CALD1: variants seen among roughly 807,000 people sequenced by gnomAD.
The protein encoded by CALD1 is caldesmon.
A neutral mutation model predicts 99.9 loss-of-function variants in CALD1; 33 were observed. The observed-to-expected ratio is 0.33, with a 90% CI of 0.25 to 0.44. The LOEUF (loss-of-function observed/expected upper bound fraction) is 0.44, where lower values mean the gene tolerates loss of function less well. CALD1 is among the 20% of genes least tolerant of loss of function. CALD1 has a pLI of 1.00. For synonymous variants in CALD1, 310 were observed against 325.0 expected (o/e 0.95, Z 0.50); for missense variants, 861 against 962.1 (o/e 0.89, Z 1.39).
intron 1 of CALD1, among the ~76,000 whole-genome samples, chr7:134,803,621 C>T (rs972658119): frequency 6.6e-6 from 1 of 151,826 alleles, no homozygotes; most frequent in African/African-American, 2.4e-5. Context: ...AACAATCTGT[C>T]AAAAAACCTT....
the CALD1 span, among the ~76,000 whole-genome samples, chr7:134,715,733 T>C: frequency 6.6e-6 from 1 of 152,216 alleles, no homozygotes; most frequent in African/African-American, 2.4e-5. Context: ...ATAAGAAATG[T>C]ATCAAGATAA....
intron 1 of CALD1, among the ~76,000 whole-genome samples, chr7:134,764,575 A>C (rs891763288): frequency 2.0e-5 from 3 of 151,428 alleles, no homozygotes; most frequent in African/African-American, 7.3e-5. Flanking sequence ...TCAACTATTA[A>C]TTAATTAGTT....
At chr7:134,741,838 T>C (rs1796594886), upstream of CALD1, among the ~76,000 whole-genome samples, 1 of 152,210 alleles carries the variant, frequency 6.6e-6, no homozygotes, top group South Asian at 2.1e-4. Context: ...CCTGAAACTT[T>C]ATGTTTATTC....
chr7:134,923,786 G>A (rs1804785676), intron 3 of CALD1, among the ~76,000 whole-genome samples: 1 of 152,102 alleles, frequency 6.6e-6, no homozygotes, highest in African/African-American at 2.4e-5. Flanking sequence ...TGCATTACTG[G>A]TATTAAATTG....
At chr7:134,782,618 G>GA (rs1406049764) in intron 1 of CALD1, among the ~76,000 whole-genome samples, 1 of 152,200 alleles carries the variant, frequency 6.6e-6, no homozygotes, top group African/African-American at 2.4e-5. Flanking sequence ...TCTGTTGAGT[G>GA]AAGAACGGAC....
At chr7:134,863,426 C>T (rs1464639266) in intron 2 of CALD1, among the ~76,000 whole-genome samples, 1 of 152,208 alleles carries the variant, frequency 6.6e-6, no homozygotes, top group Admixed American at 6.5e-5. Context: ...GTAGATAAGA[C>T]TTAGCTTCTT....
the CALD1 span, chr7:134,735,249 T>C: frequency 6.6e-6 from 1 of 152,318 alleles, no homozygotes; most frequent in South Asian, 2.1e-4. Flanking sequence ...CATGAGTGTA[T>C]CTCTTTGAAG....
the CALD1 span, chr7:134,735,055 C>G: frequency 2.3e-5 from 5 of 221,384 alleles, no homozygotes; most frequent in East Asian, 5.3e-4. Context: ...TGCAGGAAGA[C>G]CTTGTGTCTG....
At chr7:134,918,860 G>C (rs1156410871) in intron 3 of CALD1, among the ~76,000 whole-genome samples, 1 of 152,198 alleles carries the variant, frequency 6.6e-6, no homozygotes, top group Non-Finnish European at 1.5e-5. Context: ...GCCAGATGTG[G>C]TGGTGCACAC....
chr7:134,775,021 C>A (rs572154658), upstream of CALD1, among the ~76,000 whole-genome samples: 108 of 106,650 alleles, frequency 1.0e-3, 1 homozygote, highest in Non-Finnish European at 1.1e-4. Flanking sequence ...TGTTATATAC[C>A]CTATGATAAA....
chr7:134,902,294 C>G (rs1220358748), intron 3 of CALD1, among the ~76,000 whole-genome samples: 1 of 152,104 alleles, frequency 6.6e-6, no homozygotes, highest in Non-Finnish European at 1.5e-5. Context: ...AGGAAACAGC[C>G]TTGCATCATA....
intron 7 of CALD1, among the ~76,000 whole-genome samples, chr7:134,942,598 A>C (rs1301862759): frequency 1.3e-5 from 2 of 152,244 alleles, no homozygotes; most frequent in Non-Finnish European, 2.9e-5. Flanking sequence ...AAGCGAGTTG[A>C]TTCAGGTTGG....
chr7:134,722,160 G>A, the CALD1 span, among the ~76,000 whole-genome samples: 4 of 152,142 alleles, frequency 2.6e-5, no homozygotes, highest in Non-Finnish European at 4.4e-5. Flanking sequence ...TTCACAGGTC[G>A]TGTTCAAATT....
chr7:134,733,511 T>C, the CALD1 span, among the ~76,000 whole-genome samples: 1 of 152,146 alleles, frequency 6.6e-6, no homozygotes, highest in Admixed American at 6.5e-5. Flanking sequence ...TATTGGGTGT[T>C]TAAAAATGTC....
intron 1 of CALD1, among the ~76,000 whole-genome samples, chr7:134,812,308 T>C (rs1798382909): frequency 6.6e-6 from 1 of 152,204 alleles, no homozygotes; most frequent in Non-Finnish European, 1.5e-5. Context: ...TATTATTTTC[T>C]ATAAAGAAAG....
At chr7:134,934,103 G>T (rs942853792) in intron 5 of CALD1, 26 bp downstream of exon 5, 8 of 1,584,770 alleles carry the variant, frequency 5.0e-6, no homozygotes, top group Non-Finnish European at 6.8e-6. Context: ...TGCACCAAAT[G>T]TGTGATGCCT....
the CALD1 span, among the ~76,000 whole-genome samples, chr7:134,727,425 A>G: frequency 1.3e-5 from 2 of 152,258 alleles, no homozygotes; most frequent in African/African-American, 4.8e-5. Flanking sequence ...AGATCAAACT[A>G]TCAAACCAGC....
chr7:134,865,414 C>T (rs1289685352), intron 2 of CALD1, among the ~76,000 whole-genome samples: 2 of 152,018 alleles, frequency 1.3e-5, no homozygotes, highest in African/African-American at 4.8e-5. Context: ...GTGCTTTCCT[C>T]TAAGCTACAC....
rs1157825368 is a variant in CALD1 at position 134,783,950 on chromosome 7, T to G, written c.-130+4201T>G. 6.6e-6 allele frequency among the ~76,000 whole-genome samples: 1 copy of G among 152,040 alleles called. No individual in the cohort carries two copies. Among genetic ancestry groups the G allele is most frequent in the Admixed American group, 6.6e-5 (1 of 15,258 alleles). ...GAAGCAATTTTCTATGGGGAGCTCG[T>G]GGGGGCTAGAGAAATCCAGGAATGG... On this transcript the variant is annotated intron_variant, in intron 1 of 14. Coordinates refer to ENST00000361675, the MANE Select transcript of CALD1 (RefSeq NM_033138.4). This position sits in a 1 kb window ranked among gnomAD's most constrained non-coding sequence, Gnocchi z 4.3.
Sources: gnomAD v4.1 joint callset for allele counts (sites outside exome capture counted in the v4.1 genomes callset) on GRCh38, gnomAD v4.1.1 for gene constraint, Gnocchi (gnomAD v3.1) non-coding constraint, MANE v1.5 for transcripts, NCBI Gene and HGNC (gene_info 2026-07-23, HGNC 2026-07-21) for gene names.